Variants in PDGFC observed in about 807,000 individuals in gnomAD.
PDGFC encodes the protein platelet derived growth factor C.
In PDGFC, 12 loss-of-function variants were observed where a neutral mutation model predicts 35.5. That is an observed-to-expected ratio of 0.34 (90% CI 0.22 to 0.55). The LOEUF (loss-of-function observed/expected upper bound fraction) is 0.55, where lower values mean the gene tolerates loss of function less well. Among genes scored for constraint, PDGFC ranks in the 20% least tolerant of loss-of-function variants. The pLI is 0.91. For missense variants in PDGFC, 322 were observed against 412.4 expected, an observed-to-expected ratio of 0.78 and a Z score of 1.90; for synonymous variants, 159 against 148.8, an observed-to-expected ratio of 1.07 and a Z score of -0.50.
intron 1 of PDGFC, among the ~76,000 whole-genome samples, chr4:156,868,323 A>C (rs929702426): frequency 5.9e-5 from 9 of 152,224 alleles, no homozygotes; most frequent in Non-Finnish European, 8.8e-5. Flanking sequence ...GTTGAGTCGG[A>C]AACTAAATCT....
chr4:156,953,865 C>T (rs2110947092), intron 1 of PDGFC, among the ~76,000 whole-genome samples: 1 of 152,050 alleles, frequency 6.6e-6, no homozygotes, highest in East Asian at 1.9e-4. Flanking sequence ...ACACAATGGC[C>T]TGGATACATT....
chr4:156,868,164 T>C (rs143327107), intron 1 of PDGFC, among the ~76,000 whole-genome samples: 18 of 152,314 alleles, frequency 1.2e-4, no homozygotes, highest in African/African-American at 3.4e-4. Context: ...TAAAAGGAGA[T>C]TAAATACTTT....
intron 1 of PDGFC, among the ~76,000 whole-genome samples, chr4:156,921,688 T>G (rs566898271): frequency 1.3e-5 from 2 of 152,244 alleles, no homozygotes; most frequent in African/African-American, 4.8e-5. Context: ...AAAATCATGG[T>G]CTATTAGAAC....
intron 4 of PDGFC, among the ~76,000 whole-genome samples, chr4:156,772,200 A>G (rs1257999135): frequency 6.6e-6 from 1 of 152,122 alleles, no homozygotes. Flanking sequence ...GCCATTTTTC[A>G]TAGTTCTTAG....
chr4:156,882,063 T>A (rs1189238870), intron 1 of PDGFC, among the ~76,000 whole-genome samples: 1 of 152,118 alleles, frequency 6.6e-6, no homozygotes, highest in African/African-American at 2.4e-5. Context: ...CCACCTGTTT[T>A]ATTACTGTCT....
intron 1 of PDGFC, among the ~76,000 whole-genome samples, chr4:156,857,684 G>A (rs1176666471): frequency 2.0e-5 from 3 of 152,042 alleles, no homozygotes; most frequent in Admixed American, 6.6e-5. Context: ...AATAAAGGTC[G>A]AACTGACCCT....
At chr4:156,872,784 A>T (rs1321717660) in intron 1 of PDGFC, among the ~76,000 whole-genome samples, 11 of 152,206 alleles carry the variant, frequency 7.2e-5, no homozygotes, top group Non-Finnish European at 1.5e-5. Flanking sequence ...TAGGATTGCT[A>T]GGAAATTAAA....
chr4:156,908,283 C>T (rs1358627693), intron 1 of PDGFC, among the ~76,000 whole-genome samples: 1 of 151,944 alleles, frequency 6.6e-6, no homozygotes, highest in East Asian at 1.9e-4. Flanking sequence ...ATTTATGATG[C>T]ATTATCACAT....
At chr4:156,887,187 A>G (rs1730396089) in intron 1 of PDGFC, among the ~76,000 whole-genome samples, 1 of 152,208 alleles carries the variant, frequency 6.6e-6, no homozygotes, top group South Asian at 2.1e-4. Context: ...TCAGGATGTT[A>G]TATCATAGCA....
At chr4:156,872,222 A>ATG (rs1228814922) in intron 1 of PDGFC, among the ~76,000 whole-genome samples, 1 of 152,170 alleles carries the variant, frequency 6.6e-6, no homozygotes, top group African/African-American at 2.4e-5. Flanking sequence ...ACTTAAATGT[A>ATG]TGTGTGTATG....
intron 2 of PDGFC, among the ~76,000 whole-genome samples, chr4:156,833,505 C>T (rs973873757): frequency 6.6e-6 from 1 of 152,128 alleles, no homozygotes; most frequent in Non-Finnish European, 1.5e-5. Context: ...AAACCACATA[C>T]TTTATTGTCA....
chr4:156,910,385 T>A (rs996885424), intron 1 of PDGFC, among the ~76,000 whole-genome samples: 1 of 152,104 alleles, frequency 6.6e-6, no homozygotes, highest in Non-Finnish European at 1.5e-5. Flanking sequence ...CTCTTTTTAA[T>A]CGCTGAGCAG....
intron 1 of PDGFC, among the ~76,000 whole-genome samples, chr4:156,887,351 C>T (rs967623284): frequency 1.3e-5 from 2 of 152,146 alleles, no homozygotes; most frequent in Admixed American, 6.5e-5. Flanking sequence ...CAAAGCTGCT[C>T]ATTTTAATGT....
At chr4:156,799,247 C>A (rs1731530876) in intron 3 of PDGFC, among the ~76,000 whole-genome samples, 1 of 152,164 alleles carries the variant, frequency 6.6e-6, no homozygotes, top group South Asian at 2.1e-4. Flanking sequence ...TTTATTCACA[C>A]TTACACAAAA....
At chr4:156,862,307 C>T (rs1729732296) in intron 1 of PDGFC, among the ~76,000 whole-genome samples, 1 of 152,120 alleles carries the variant, frequency 6.6e-6, no homozygotes, top group African/African-American at 2.4e-5. Flanking sequence ...ACATCTGTGA[C>T]TGCTGATAAT....
intron 2 of PDGFC, among the ~76,000 whole-genome samples, chr4:156,830,793 A>G (rs1235207536): frequency 6.6e-6 from 1 of 152,146 alleles, no homozygotes; most frequent in Non-Finnish European, 1.5e-5. Flanking sequence ...GAAAAATGTG[A>G]TCAATTAAGT....
At chr4:156,836,949 T>A (rs1397554537) in intron 2 of PDGFC, among the ~76,000 whole-genome samples, 4 of 152,164 alleles carry the variant, frequency 2.6e-5, no homozygotes, top group Non-Finnish European at 5.9e-5. Flanking sequence ...GGTAGCCTAT[T>A]TAAAGATTGG....
intron 2 of PDGFC, among the ~76,000 whole-genome samples, chr4:156,840,265 G>A (rs1051058963): frequency 6.6e-6 from 1 of 152,188 alleles, no homozygotes; most frequent in African/African-American, 2.4e-5. Context: ...GCTGTGTGCA[G>A]CCTAGGGACT....
At chr4:156,921,726 TA>T in intron 1 of PDGFC, among the ~76,000 whole-genome samples, 1 of 152,260 alleles carries the variant, frequency 6.6e-6, no homozygotes, top group Middle Eastern at 3.4e-3. Flanking sequence ...TTCATCTAGG[TA>T]AATCCCCTCC....
Sources: gnomAD v4.1 joint callset for allele counts (sites outside exome capture counted in the v4.1 genomes callset) on GRCh38, gnomAD v4.1.1 for gene constraint, MANE v1.5 for transcripts, NCBI Gene and HGNC (gene_info 2026-07-23, HGNC 2026-07-21) for gene names.